SCD5: variants seen among roughly 807,000 people sequenced by gnomAD.
SCD5 encodes stearoyl-CoA desaturase 5, also known as acyl-CoA-desaturase 4.
SCD5 carries 20 observed loss-of-function variants against 30.4 expected under a neutral mutation model. The observed-to-expected ratio is 0.66, with a 90% CI of 0.46 to 0.96. The LOEUF is 0.96. Ranked by LOEUF, SCD5 falls within the 40% of genes least tolerant of loss-of-function variation. The pLI, the probability that SCD5 is intolerant of heterozygous loss-of-function variation, is 0.00. For missense variants in SCD5, 381 were observed against 443.3 expected (o/e 0.86, Z 1.26); for synonymous variants, 173 against 176.4 (o/e 0.98, Z 0.16).
intron 1 of SCD5, among the ~76,000 whole-genome samples, chr4:82,722,294 T>G (rs1410565762): frequency 7.1e-6 from 1 of 139,892 alleles, no homozygotes; most frequent in African/African-American, 2.8e-5. Flanking sequence ...CTTGATCATC[T>G]AGTTATGATC....
At chr4:82,746,804 C>T (rs1035168965) in intron 1 of SCD5, among the ~76,000 whole-genome samples, 3 of 152,014 alleles carry the variant, frequency 2.0e-5, no homozygotes, top group African/African-American at 7.3e-5. Context: ...AAGGGCTCCA[C>T]CCTTGGTCCT....
chr4:82,785,793 G>A (rs1721972758), intron 1 of SCD5, among the ~76,000 whole-genome samples: 1 of 152,170 alleles, frequency 6.6e-6, no homozygotes, highest in Admixed American at 6.5e-5. Flanking sequence ...GTGGGGGTGA[G>A]AGGTGGAAGG....
rs562347653 is a variant in SCD5 at position 82,687,738 on chromosome 4, C to T, written c.364-6826G>A. ...ACCATGAGGTGATTTTTCTCCCACG[C>T]ACAGCCTTTGAGTGTTATCTGGGAC... On this transcript the variant is annotated intron_variant, in intron 2 of 4. Coordinates refer to ENST00000319540, the MANE Select transcript of SCD5 (RefSeq NM_001037582.3). 4.6e-5 allele frequency among the ~76,000 whole-genome samples: 7 copies of T among 152,268 alleles called. No individual in the cohort carries two copies. In the East Asian group the frequency reaches 9.6e-4, roughly 21 times the overall value.
At chr4:82,762,209 G>C (rs1219611616) in intron 1 of SCD5, among the ~76,000 whole-genome samples, 6 of 138,066 alleles carry the variant, frequency 4.3e-5, no homozygotes, top group Non-Finnish European at 9.4e-5. Flanking sequence ...GAGGGGAGGG[G>C]GAGAGGAGGG....
At chr4:82,681,109 C>A (rs1728563652) in intron 2 of SCD5, among the ~76,000 whole-genome samples, 197 bp from the exon 3 acceptor site, 1 of 152,034 alleles carries the variant, frequency 6.6e-6, no homozygotes, top group Non-Finnish European at 1.5e-5. Context: ...AAGAGTAAAT[C>A]TTCACTTAGC....
At chr4:82,720,454 A>T (rs1720347333) in intron 1 of SCD5, among the ~76,000 whole-genome samples, 1 of 150,974 alleles carries the variant, frequency 6.6e-6, no homozygotes, top group Non-Finnish European at 1.5e-5. Flanking sequence ...AAAAAAAAAA[A>T]AAAAAAAAAG....
intron 1 of SCD5, among the ~76,000 whole-genome samples, chr4:82,744,431 T>C (rs974899895): frequency 2.0e-5 from 3 of 152,200 alleles, no homozygotes; most frequent in Non-Finnish European, 4.4e-5. Context: ...AAGTTGGAAA[T>C]AGGTTTCCCC....
intron 3 of SCD5, among the ~76,000 whole-genome samples, chr4:82,641,049 G>A (rs1727532081): frequency 6.6e-6 from 1 of 152,194 alleles, no homozygotes; most frequent in East Asian, 1.9e-4. Context: ...AAAATGCTGT[G>A]CTAATAAATG....
At chr4:82,758,265 C>A (rs1156670268) in intron 1 of SCD5, among the ~76,000 whole-genome samples, 2 of 152,102 alleles carry the variant, frequency 1.3e-5, no homozygotes, top group East Asian at 3.9e-4. Context: ...GAGTTGAACA[C>A]CAGACTGGGC....
chr4:82,719,161 C>T (rs1560543075), intron 1 of SCD5, among the ~76,000 whole-genome samples: 1 of 151,768 alleles, frequency 6.6e-6, no homozygotes, highest in Non-Finnish European at 1.5e-5. Flanking sequence ...TCTCCTGAAA[C>T]ATGGAAAGAT....
chr4:82,670,129 CA>C (rs1190002403), intron 3 of SCD5, among the ~76,000 whole-genome samples: 1 of 152,028 alleles, frequency 6.6e-6, no homozygotes, highest in Non-Finnish European at 1.5e-5. Context: ...TAATAAAAGG[CA>C]AAAACCAAAG....
intron 3 of SCD5, chr4:82,660,990 C>G: frequency 6.2e-7 from 1 of 1,614,156 alleles, no homozygotes; most frequent in Non-Finnish European, 8.5e-7. Context: ...GGGTGACTTT[C>G]AATATATGCC....
intron 1 of SCD5, among the ~76,000 whole-genome samples, chr4:82,769,169 G>T (rs1721561131): frequency 6.6e-6 from 1 of 152,138 alleles, no homozygotes; most frequent in Admixed American, 6.5e-5. Flanking sequence ...AGGGTCTTCT[G>T]AGTCTAGAGT....
intron 1 of SCD5, among the ~76,000 whole-genome samples, chr4:82,723,378 G>T (rs1254398024): frequency 1.3e-5 from 2 of 152,118 alleles, no homozygotes; most frequent in Non-Finnish European, 2.9e-5. Context: ...TAAAAGACTT[G>T]TTTTTTCTTA....
intron 3 of SCD5, among the ~76,000 whole-genome samples, chr4:82,657,025 A>G (rs560316006): frequency 6.6e-6 from 1 of 152,162 alleles, no homozygotes; most frequent in African/African-American, 2.4e-5. Flanking sequence ...AGATTGCAAA[A>G]ATTTTCTCCC....
At chr4:82,661,003 TG>T (rs1348021624) in intron 3 of SCD5, 1 of 1,614,178 alleles carries the variant, frequency 6.2e-7, no homozygotes, top group Non-Finnish European at 8.5e-7. Flanking sequence ...TATATGCCCT[TG>T]ATGCCATTCA....
intron 1 of SCD5, among the ~76,000 whole-genome samples, chr4:82,761,730 C>T (rs1234604885): frequency 3.3e-5 from 5 of 152,142 alleles, no homozygotes; most frequent in South Asian, 2.1e-4. Flanking sequence ...TCCCTCCCCC[C>T]TCTCCCCACC....
At chr4:82,668,839 A>G (rs530914982) in intron 3 of SCD5, among the ~76,000 whole-genome samples, 1 of 152,370 alleles carries the variant, frequency 6.6e-6, no homozygotes, top group Non-Finnish European at 1.5e-5. Flanking sequence ...GTCTCTCCCC[A>G]AATTCCAAAC....
intron 2 of SCD5, among the ~76,000 whole-genome samples, chr4:82,696,334 T>C (rs1414494320): frequency 6.6e-6 from 1 of 152,160 alleles, no homozygotes; most frequent in Non-Finnish European, 1.5e-5. Context: ...ACGAGAGCGC[T>C]GGCTGGCATT....
Sources: gnomAD v4.1 joint callset for allele counts (sites outside exome capture counted in the v4.1 genomes callset) on GRCh38, gnomAD v4.1.1 for gene constraint, MANE v1.5 for transcripts, NCBI Gene and HGNC (gene_info 2026-07-23, HGNC 2026-07-21) for gene names.